Variants in PTPRR observed in about 807,000 individuals in gnomAD.
The protein encoded by PTPRR is protein tyrosine phosphatase receptor type R, also known as receptor-type tyrosine-protein phosphatase R.
PTPRR carries 38 observed loss-of-function variants against 77.2 expected under a neutral mutation model. The ratio of observed to expected loss-of-function variants is 0.49; its 90% CI spans 0.38 to 0.65. PTPRR has a LOEUF of 0.65. PTPRR is among the 30% of genes least tolerant of loss of function. The probability of loss-of-function intolerance (pLI) is 0.00; values close to 1 mark genes in which losing one functional copy is unlikely to be tolerated. For missense variants in PTPRR, 744 were observed against 799.2 expected, an observed-to-expected ratio of 0.93 and a Z score of 0.83; for synonymous variants, 299 against 283.1, an observed-to-expected ratio of 1.06 and a Z score of -0.57.
chr12:70,875,974 C>T (rs12305560), intron 2 of PTPRR, among the ~76,000 whole-genome samples: 24,616 of 152,028 alleles, frequency 0.16, 3,053 homozygotes, highest in African/African-American at 0.35. Flanking sequence ...CAGTTTTCAC[C>T]TCCCTGGTCA....
At chr12:70,645,085 G>C (rs1436801356) in intron 13 of PTPRR, among the ~76,000 whole-genome samples, 2 of 152,148 alleles carry the variant, frequency 1.3e-5, no homozygotes, top group Admixed American at 6.6e-5. Context: ...AGAAGCCCAG[G>C]GTTCTACAAA....
chr12:70,758,596 G>A (rs1292416836), intron 4 of PTPRR, among the ~76,000 whole-genome samples: 2 of 152,160 alleles, frequency 1.3e-5, no homozygotes, highest in Admixed American at 6.5e-5. Context: ...GTCAGTCCGT[G>A]TAGGGCCTTG....
chr12:70,878,996 G>C (rs1358664722), intron 2 of PTPRR, among the ~76,000 whole-genome samples: 1 of 152,004 alleles, frequency 6.6e-6, no homozygotes, highest in Non-Finnish European at 1.5e-5. Flanking sequence ...GCAACCTATT[G>C]AAAGAACAAA....
chr12:70,651,542 C>G (rs1168438612), intron 13 of PTPRR, among the ~76,000 whole-genome samples: 1 of 152,134 alleles, frequency 6.6e-6, no homozygotes, highest in Non-Finnish European at 1.5e-5. Context: ...TCCAACTATT[C>G]ATAAAGGAGC....
intron 2 of PTPRR, among the ~76,000 whole-genome samples, chr12:70,853,931 G>A (rs1255726300): frequency 1.3e-5 from 2 of 152,180 alleles, no homozygotes; most frequent in East Asian, 1.9e-4. Flanking sequence ...TACAGAAAAG[G>A]TCGTAGATGT....
intron 1 of PTPRR, among the ~76,000 whole-genome samples, chr12:70,918,534 G>C (rs1893807578): frequency 1.3e-5 from 2 of 152,124 alleles, no homozygotes; most frequent in South Asian, 4.1e-4. Flanking sequence ...TAGGGCTACA[G>C]GCTTCTAGGT....
chr12:70,754,880 T>C (rs1890523022), intron 4 of PTPRR: 3 of 638,956 alleles, frequency 4.7e-6, no homozygotes, highest in Non-Finnish European at 7.2e-6. Flanking sequence ...AGAATACATA[T>C]TGTTAGAATA....
At chr12:70,694,452 C>T (rs1026142487) in intron 8 of PTPRR, among the ~76,000 whole-genome samples, 1 of 152,148 alleles carries the variant, frequency 6.6e-6, no homozygotes, top group African/African-American at 2.4e-5. Context: ...TACACATACA[C>T]CATGGAACAC....
chr12:70,679,375 G>T (rs1257201041), intron 10 of PTPRR, among the ~76,000 whole-genome samples: 1 of 152,134 alleles, frequency 6.6e-6, no homozygotes, highest in Non-Finnish European at 1.5e-5. Flanking sequence ...GTTGTTGGGT[G>T]AAATATTCTG....
chr12:70,643,130 A>G (rs2136639587), intron 13 of PTPRR, among the ~76,000 whole-genome samples: 1 of 152,146 alleles, frequency 6.6e-6, no homozygotes, highest in African/African-American at 2.4e-5. Context: ...AGGTCAACAG[A>G]GTCTTCTTTC....
intron 2 of PTPRR, among the ~76,000 whole-genome samples, chr12:70,815,009 C>T (rs1891875536): frequency 6.6e-6 from 1 of 150,884 alleles, no homozygotes; most frequent in Non-Finnish European, 1.5e-5. Flanking sequence ...AAATAGAAAA[C>T]AGACCAGAAA....
At position 70,671,988 on chromosome 12, in the gene PTPRR, C is replaced by G. The variant is rs143929149; in HGVS notation, c.1498-9383G>C. 322 of 1,306,220 alleles carry G rather than the reference C, an allele frequency of 2.5e-4. 2 individuals carry two copies. In the African/African-American group the frequency reaches 4.1e-3, roughly 17 times the overall value. 80.9% of individuals were successfully genotyped at this position (1,306,220 alleles called of 1,614,324 possible). ...GCTCAGAAGTGGCCCTTTCAACCCT[C>G]CAGAGACATGAGACTAGTCCAGTTC... On this transcript the variant is annotated intron_variant, in intron 10 of 13. Transcript: ENST00000283228.
intron 8 of PTPRR, among the ~76,000 whole-genome samples, chr12:70,695,103 T>C (rs891280216): frequency 3.3e-5 from 5 of 152,170 alleles, no homozygotes; most frequent in Non-Finnish European, 7.3e-5. Context: ...AATTATAAAT[T>C]GATTTATTCA....
At chr12:70,737,486 A>ATTATCTATCTATC (rs1555171432) in intron 6 of PTPRR, among the ~76,000 whole-genome samples, 1 of 144,140 alleles carries the variant, frequency 6.9e-6, no homozygotes, top group African/African-American at 2.6e-5. Flanking sequence ...TATTTAATGA[A>ATTATCTATCTATC]TATCTATCTA....
At chr12:70,775,334 T>G (rs1252089058) in intron 2 of PTPRR, among the ~76,000 whole-genome samples, 1 of 152,204 alleles carries the variant, frequency 6.6e-6, no homozygotes, top group Non-Finnish European at 1.5e-5. Context: ...ATGACAAGAC[T>G]TTCTTTCTTT....
Position 70,837,186 on chromosome 12 carries a change from T to C in PTPRR, c.357+55493A>G, listed in dbSNP as rs371332413. Among the ~76,000 whole-genome samples, 22 of 152,220 alleles carry C rather than the reference T, an allele frequency of 1.4e-4. No homozygotes were observed. In the South Asian group the frequency reaches 3.1e-3, roughly 22 times the overall value. ...GAAACCCAAGATACTGTACACTGCATTGAGCATCCACATCTGGTTCCACTT... is the reference window on the plus strand; with the variant it reads ...GAAACCCAAGATACTGTACACTGCACTGAGCATCCACATCTGGTTCCACTT... On this transcript the variant is annotated intron_variant, in intron 2 of 13. Coordinates refer to ENST00000283228, the MANE Select transcript of PTPRR (RefSeq NM_002849.4).
intron 5 of PTPRR, among the ~76,000 whole-genome samples, chr12:70,752,484 C>G (rs549174089): frequency 7.2e-4 from 110 of 152,282 alleles, no homozygotes; most frequent in African/African-American, 2.6e-3. Flanking sequence ...AGGCATTTAT[C>G]TAGTTACATT....
At chr12:70,692,253 A>G (rs189938191) in intron 8 of PTPRR, among the ~76,000 whole-genome samples, 1 of 152,188 alleles carries the variant, frequency 6.6e-6, no homozygotes, top group Admixed American at 6.5e-5. Flanking sequence ...ATACTTAACT[A>G]TTATATTTAT....
intron 4 of PTPRR, among the ~76,000 whole-genome samples, chr12:70,760,812 G>C (rs764409626): frequency 3.3e-5 from 5 of 152,162 alleles, no homozygotes; most frequent in Non-Finnish European, 5.9e-5. Flanking sequence ...TTAGGATGAT[G>C]ATCCTTTCAG....
Sources: allele counts gnomAD v4.1 joint callset (sites outside exome capture counted in the v4.1 genomes callset), GRCh38; gene constraint gnomAD v4.1.1; transcripts MANE v1.5; gene names NCBI Gene and HGNC (gene_info 2026-07-23, HGNC 2026-07-21).